Variants in UNC13B observed in about 807,000 individuals in gnomAD.
The protein encoded by UNC13B is protein unc-13 homolog B.
UNC13B carries 144 observed loss-of-function variants against 211.0 expected under a neutral mutation model. That is an observed-to-expected ratio of 0.68 (90% CI 0.60 to 0.78). UNC13B has a LOEUF of 0.78. UNC13B is among the 30% of genes least tolerant of loss of function. The pLI is 0.00. For synonymous variants in UNC13B, 709 were observed against 725.8 expected (o/e 0.98, Z 0.37); for missense variants, 1,777 against 2,002.0 (o/e 0.89, Z 2.14).
chr9:35,218,585 CAG>C (rs1208838962), intron 1 of UNC13B, among the ~76,000 whole-genome samples: 6 of 151,716 alleles, frequency 4.0e-5, no homozygotes, highest in Non-Finnish European at 8.8e-5. Context: ...TTTGTAGAGA[CAG>C]AGCCTCACCG....
At chr9:35,237,574 G>A in intron 4 of UNC13B, 129 bp from the exon 5 acceptor site, 1 of 1,176,108 alleles carries the variant, frequency 8.5e-7, no homozygotes, top group South Asian at 1.5e-5. Context: ...ATAGTGGTGT[G>A]TTTGCCTTAT....
chr9:35,294,876 C>CA (rs1287817667), intron 7 of UNC13B, among the ~76,000 whole-genome samples: 4 of 152,102 alleles, frequency 2.6e-5, no homozygotes, highest in Non-Finnish European at 5.9e-5. Context: ...TTAACTTTAA[C>CA]AAAAAAACTG....
At chr9:35,332,747 T>C (rs2131973530) in intron 11 of UNC13B, among the ~76,000 whole-genome samples, 1 of 152,340 alleles carries the variant, frequency 6.6e-6, no homozygotes, top group East Asian at 1.9e-4. Context: ...TGTCACATTC[T>C]TTGAAGCCTT....
intron 7 of UNC13B, among the ~76,000 whole-genome samples, chr9:35,291,431 A>G (rs1259017869): frequency 6.6e-6 from 1 of 152,168 alleles, no homozygotes; most frequent in African/African-American, 2.4e-5. Context: ...CCCTTTGGCT[A>G]AGGAGTGCAG....
Position 35,243,305 on chromosome 9 carries a change from G to A in UNC13B, c.409G>A (p.Glu137Lys), listed in dbSNP as rs1825907755. Residue 137 changes from glutamate to lysine, a missense_variant, in exon 6 of 40, where the codon GAA becomes AAA. Transcript: ENST00000635942. Reference protein sequence around the residue: ...FELPFDIPEEEARYWTYKWEQ... With the variant: ...FELPFDIPEEKARYWTYKWEQ... ...TTTTATGGTAGATATCCCAGAGGAG[G>A]AAGCCAGATATTGGACCTACAAATG... The A allele has an allele frequency of 6.2e-7, 1 of 1,613,332 alleles. No individual in the cohort carries two copies.
intron 7 of UNC13B, among the ~76,000 whole-genome samples, chr9:35,271,213 C>G (rs372125193): frequency 2.1e-4 from 31 of 151,054 alleles, no homozygotes; most frequent in East Asian, 1.8e-3. Flanking sequence ...ATCATTCTTA[C>G]TACCACCACA....
At chr9:35,364,611 C>A in intron 11 of UNC13B, 1 of 1,530,640 alleles carries the variant, frequency 6.5e-7, no homozygotes, top group Non-Finnish European at 8.8e-7. Flanking sequence ...TGTCTATTTC[C>A]CTCCCCTCCT....
chr9:35,221,461 C>T (rs1011036731), intron 1 of UNC13B, among the ~76,000 whole-genome samples: 2 of 152,152 alleles, frequency 1.3e-5, no homozygotes. Flanking sequence ...TGTCTGAGCT[C>T]CTTATATATT....
At chr9:35,324,209 A>T (rs1458139733) in intron 11 of UNC13B, among the ~76,000 whole-genome samples, 1 of 152,170 alleles carries the variant, frequency 6.6e-6, no homozygotes, top group East Asian at 1.9e-4. Flanking sequence ...CTAATCTTAG[A>T]ACCCTACTTT....
intron 3 of UNC13B, 86 bp downstream of exon 3, chr9:35,231,305 G>T: frequency 1.1e-6 from 1 of 892,938 alleles, no homozygotes; most frequent in East Asian, 2.6e-5. Flanking sequence ...AGAAGATTTT[G>T]TGTATTTTTG....
Position 35,376,058 on chromosome 9 carries a change from G to T in UNC13B, c.9646G>T (p.Ala3216Ser), listed in dbSNP as rs913695841. The T allele has an allele frequency of 5.6e-6, 9 of 1,614,078 alleles. No individual in the cohort carries two copies. Among genetic ancestry groups the T allele is most frequent in the Non-Finnish European group, 7.6e-6 (9 of 1,180,046 alleles). Residue 3216 changes from alanine (A) to serine (S), a missense_variant, in exon 15 of 40, where the codon GCC (alanine) becomes TCC (serine). Physicochemically the swap from Ala to Ser is moderately conservative, Grantham distance 99. Coordinates refer to ENST00000635942, the MANE Select transcript of UNC13B (RefSeq NM_001371189.2). Reference sequence around the variant, plus strand: ...CCACGTGTATAAGAAAACCCTGCAGGCCTTAATCTACCCCATTTCGTGCAC... The same window carrying T: ...CCACGTGTATAAGAAAACCCTGCAGTCCTTAATCTACCCCATTTCGTGCAC... ...KSHVYKKTLQ[A>S]LIYPISCTTP...
chr9:35,174,191 T>C (rs1821487784), intron 1 of UNC13B, among the ~76,000 whole-genome samples: 1 of 152,122 alleles, frequency 6.6e-6, no homozygotes, highest in African/African-American at 2.4e-5. Flanking sequence ...ATAGTCTCAC[T>C]CTGTTTCCCA....
At chr9:35,315,053 A>T (rs1452126690) in intron 11 of UNC13B, among the ~76,000 whole-genome samples, 1 of 147,584 alleles carries the variant, frequency 6.8e-6, no homozygotes, top group African/African-American at 2.5e-5. Context: ...ATTTAAAAAA[A>T]ATTTTTTTTT....
intron 16 of UNC13B, 60 bp from the exon 17 acceptor site, chr9:35,378,235 G>A: frequency 1.2e-6 from 2 of 1,607,154 alleles, no homozygotes; most frequent in East Asian, 2.2e-5. Flanking sequence ...AAGCATATGA[G>A]TAGTGTTGTG....
Position 35,395,063 on chromosome 9 carries a change from A to G in UNC13B, c.11309-1413A>G, listed in dbSNP as rs976331023. On this transcript the variant is annotated intron_variant, in intron 26 of 39. Coordinates refer to ENST00000635942, the MANE Select transcript of UNC13B (RefSeq NM_001371189.2). ...CCTCCTGATGTTTCTAGGTTCTTAGACTGGTTCCAGAACAGCAGGGGATGG... is the reference window on the plus strand; with the variant it reads ...CCTCCTGATGTTTCTAGGTTCTTAGGCTGGTTCCAGAACAGCAGGGGATGG... Among the ~76,000 whole-genome samples, 3 of 152,022 alleles carry G rather than the reference A, an allele frequency of 2.0e-5. No homozygotes were observed. The South Asian group carries it at 6.2e-4, about 32-fold the overall frequency.
At position 35,378,313 on chromosome 9, in the gene UNC13B, TACA is replaced by T. The variant is rs1834580977; in HGVS notation, c.10084_10086del (p.Gln3362del). 1 of 1,614,146 alleles carries T rather than the reference TACA, an allele frequency of 6.2e-7. No individual in the cohort carries two copies. On this transcript the variant is annotated inframe_deletion, in exon 17 of 40. Transcript: ENST00000635942. ...GTTGCAGTGGTGTGTGCCCAGGGCC[TACA>T]AGCCAAGGACAAAACAGGATCCAGT...
chr9:35,202,997 T>A (rs1587363238), intron 1 of UNC13B, among the ~76,000 whole-genome samples: 5 of 152,210 alleles, frequency 3.3e-5, no homozygotes, highest in African/African-American at 1.2e-4. Flanking sequence ...TTTCACCATG[T>A]TAGCCAGGAT....
chr9:35,303,530 T>A lies in UNC13B; in HGVS notation c.4126T>A (p.Tyr1376Asn). ...SKNSRKLQPV[Y>N]YMLNQNRFLS... is the part of the protein sequence containing the mutation. ...AAATTCCAGAAAACTTCAGCCAGTT[T>A]ATTATATGTTAAATCAAAATAGATT... Residue 1376 changes from tyrosine (Y) to asparagine (N), a missense_variant, in exon 9 of 40, where the codon TAT becomes AAT. By Grantham distance (143) the Tyr-to-Asn change is moderately radical. Transcript: ENST00000635942. 2.5e-6 allele frequency: 1 copy of A among 398,790 alleles called. No homozygotes were observed. The highest frequency in any genetic ancestry group is 4.4e-6 in the Non-Finnish European group (1 of 225,836). 24.7% of individuals were successfully genotyped at this position (398,790 alleles called of 1,614,324 possible). A position where few individuals can be genotyped will look rare whatever the true frequency, so the allele number is the denominator to read the frequency against.
intron 7 of UNC13B, among the ~76,000 whole-genome samples, chr9:35,281,628 C>T (rs1249433466): frequency 6.6e-6 from 1 of 152,142 alleles, no homozygotes; most frequent in Non-Finnish European, 1.5e-5. Flanking sequence ...CTGTAGTTTA[C>T]GTTATGGTTC....
Sources: gnomAD v4.1 joint callset for allele counts (sites outside exome capture counted in the v4.1 genomes callset) on GRCh38, gnomAD v4.1.1 for gene constraint, MANE v1.5 for transcripts, NCBI Gene and HGNC (gene_info 2026-07-23, HGNC 2026-07-21) for gene names.